Variants in SLC4A4 observed in about 807,000 individuals in gnomAD.
SLC4A4 encodes the protein solute carrier family 4 member 4.
A neutral mutation model predicts 111.5 loss-of-function variants in SLC4A4; 27 were observed. That is an observed-to-expected ratio of 0.24 (90% CI 0.18 to 0.33). The LOEUF (loss-of-function observed/expected upper bound fraction) is 0.33, where lower values mean the gene tolerates loss of function less well. Ranked by LOEUF, SLC4A4 falls within the 10% of genes least tolerant of loss-of-function variation. The pLI is 1.00. For missense variants in SLC4A4, 909 were observed against 1,315.5 expected (o/e 0.69, Z 4.78); for synonymous variants, 443 against 463.4 (o/e 0.96, Z 0.57).
intron 7 of SLC4A4, among the ~76,000 whole-genome samples, chr4:71,417,720 A>G (rs1036970749): frequency 2.6e-5 from 4 of 152,230 alleles, no homozygotes; most frequent in Admixed American, 1.3e-4. Flanking sequence ...TTTTAAAGGT[A>G]TCTTTACAGA....
intron 1 of SLC4A4, among the ~76,000 whole-genome samples, chr4:71,077,195 C>G (rs546686884): frequency 5.1e-4 from 76 of 149,982 alleles, no homozygotes; most frequent in Middle Eastern, 3.6e-3. Context: ...GAGTCTCGCT[C>G]TGTCACCCAG....
intron 2 of SLC4A4, among the ~76,000 whole-genome samples, chr4:71,243,407 A>G (rs1307655067): frequency 1.3e-5 from 2 of 152,200 alleles, no homozygotes; most frequent in African/African-American, 4.8e-5. Context: ...ATGAGATTAG[A>G]AATCATTGGG....
chr4:71,350,578 G>T (rs1729736500), intron 5 of SLC4A4, among the ~76,000 whole-genome samples: 1 of 151,988 alleles, frequency 6.6e-6, no homozygotes, highest in Non-Finnish European at 1.5e-5. Context: ...GGGCTTCTTT[G>T]CAAATCTAAC....
intron 2 of SLC4A4, among the ~76,000 whole-genome samples, chr4:71,161,966 A>G (rs1428434074): frequency 2.6e-5 from 4 of 152,190 alleles, no homozygotes; most frequent in Non-Finnish European, 4.4e-5. Flanking sequence ...CTAATTGGGT[A>G]TAGAATTACA....
At chr4:71,486,299 G>GA (rs1230672615) in intron 14 of SLC4A4, among the ~76,000 whole-genome samples, 2 of 151,310 alleles carry the variant, frequency 1.3e-5, no homozygotes, top group African/African-American at 4.8e-5. Flanking sequence ...TTTAAAAAAG[G>GA]AATGAAACAT....
intron 1 of SLC4A4, among the ~76,000 whole-genome samples, chr4:71,230,837 G>A (rs979419977): frequency 8.5e-5 from 13 of 152,162 alleles, no homozygotes; most frequent in Non-Finnish European, 1.8e-4. Context: ...GTGTGTCAAG[G>A]TTGGAGGCTC....
At chr4:71,539,379 T>C (rs1371380530) in intron 18 of SLC4A4, among the ~76,000 whole-genome samples, 2 of 152,096 alleles carry the variant, frequency 1.3e-5, no homozygotes, top group Non-Finnish European at 2.9e-5. Flanking sequence ...GAACTTCCAT[T>C]TGTCCTAGCC....
intron 2 of SLC4A4, among the ~76,000 whole-genome samples, chr4:71,123,252 A>T (rs1743482041): frequency 6.6e-6 from 1 of 152,220 alleles, no homozygotes; most frequent in Non-Finnish European, 1.5e-5. Flanking sequence ...AGATTTCTAG[A>T]TCAAAAGGGC....
intron 2 of SLC4A4, among the ~76,000 whole-genome samples, chr4:71,101,228 C>T (rs978321914): frequency 3.0e-4 from 46 of 152,224 alleles, no homozygotes; most frequent in African/African-American, 1.1e-3. Flanking sequence ...CACTGCACTC[C>T]AGCCTGGGCA....
intron 14 of SLC4A4, among the ~76,000 whole-genome samples, chr4:71,485,347 G>T (rs1011564729): frequency 5.9e-5 from 9 of 151,610 alleles, no homozygotes; most frequent in Non-Finnish European, 1.3e-4. Context: ...TAACATGAAT[G>T]GATGTTGAAT....
chr4:71,079,365 T>C (rs1741929991), intron 1 of SLC4A4, among the ~76,000 whole-genome samples: 1 of 152,142 alleles, frequency 6.6e-6, no homozygotes, highest in African/African-American at 2.4e-5. Flanking sequence ...AAGGAACACA[T>C]CCTTTTGTGC....
chr4:71,330,044 T>C (rs1250819547), intron 3 of SLC4A4, among the ~76,000 whole-genome samples: 2 of 152,192 alleles, frequency 1.3e-5, no homozygotes, highest in African/African-American at 4.8e-5. Flanking sequence ...TATCAAATGC[T>C]TTTTCAGCAT....
chr4:71,139,896 T>G (rs1743949715), intron 2 of SLC4A4, among the ~76,000 whole-genome samples: 1 of 152,150 alleles, frequency 6.6e-6, no homozygotes, highest in Non-Finnish European at 1.5e-5. Context: ...TGCAATACAT[T>G]GTTGTTAATC....
intron 2 of SLC4A4, among the ~76,000 whole-genome samples, chr4:71,249,951 T>C (rs1563045): frequency 0.69 from 104,982 of 151,742 alleles, 40,044 homozygotes; most frequent in Non-Finnish European, 0.87. Flanking sequence ...CCATTTCTTG[T>C]TAAATAAAAG....
At chr4:71,081,282 A>T (rs2148934673) in intron 1 of SLC4A4, among the ~76,000 whole-genome samples, 1 of 152,156 alleles carries the variant, frequency 6.6e-6, no homozygotes, top group African/African-American at 2.4e-5. Context: ...TCCCCCACAA[A>T]TTGTTTTTCA....
chr4:71,232,567 G>A (rs1003684538), intron 1 of SLC4A4, among the ~76,000 whole-genome samples: 4 of 151,992 alleles, frequency 2.6e-5, no homozygotes, highest in African/African-American at 9.7e-5. Context: ...GCACACCACT[G>A]CACATAGCTA....
At chr4:71,385,036 A>C (rs545042805) in intron 6 of SLC4A4, among the ~76,000 whole-genome samples, 1 of 151,592 alleles carries the variant, frequency 6.6e-6, no homozygotes, top group African/African-American at 2.4e-5. Context: ...AATAATAAAA[A>C]ATTTAAAAAG....
chr4:71,369,274 A>G (rs1731630103), intron 6 of SLC4A4, among the ~76,000 whole-genome samples: 3 of 152,184 alleles, frequency 2.0e-5, no homozygotes, highest in Admixed American at 2.0e-4. Context: ...AATATTCCTA[A>G]AGTCGTAATT....
intron 6 of SLC4A4, among the ~76,000 whole-genome samples, chr4:71,376,094 CGT>C (rs1491428697): frequency 3.0e-5 from 4 of 131,578 alleles, no homozygotes; most frequent in South Asian, 5.0e-4. Flanking sequence ...TACATATATA[CGT>C]GTGTATATAT....
Sources: allele counts gnomAD v4.1 joint callset (sites outside exome capture counted in the v4.1 genomes callset), GRCh38; gene constraint gnomAD v4.1.1; transcripts MANE v1.5; gene names NCBI Gene and HGNC (gene_info 2026-07-23, HGNC 2026-07-21).